Variants in CFAP141 observed in about 807,000 individuals in gnomAD.
CFAP141 encodes the protein cilia- and flagella-associated protein 141.
the CFAP141 span, among the ~76,000 whole-genome samples, chr1:154,202,727 G>A: frequency 6.6e-6 from 1 of 152,028 alleles, no homozygotes; most frequent in East Asian, 1.9e-4. Context: ...CGTGAACCCA[G>A]GAGACAGAGC....
the CFAP141 span, among the ~76,000 whole-genome samples, chr1:154,201,406 T>A: frequency 1.3e-5 from 2 of 151,008 alleles, no homozygotes; most frequent in Admixed American, 6.6e-5. Context: ...TTTTTTTTTT[T>A]AGACAGAGTC....
chr1:154,199,442 A>G, the CFAP141 span: 1 of 1,611,138 alleles, frequency 6.2e-7, no homozygotes, highest in Non-Finnish European at 8.5e-7. Flanking sequence ...ATCTCTCTAC[A>G]TAAAAAGCTT....
the CFAP141 span, among the ~76,000 whole-genome samples, chr1:154,200,829 C>T: frequency 6.6e-6 from 1 of 151,652 alleles, no homozygotes; most frequent in Admixed American, 6.6e-5. Flanking sequence ...ATTACAGGTG[C>T]CTGGCACCAT....
chr1:154,204,615 C>A, the CFAP141 span, among the ~76,000 whole-genome samples: 2 of 151,810 alleles, frequency 1.3e-5, no homozygotes. Context: ...GTTTTCCTCT[C>A]TCACCCAGGC....
chr1:154,203,003 C>T, the CFAP141 span, among the ~76,000 whole-genome samples: 2 of 148,554 alleles, frequency 1.3e-5, no homozygotes, highest in Admixed American at 1.3e-4. Context: ...CACCTGTAAT[C>T]CCAGCTCCCC....
the CFAP141 span, among the ~76,000 whole-genome samples, chr1:154,200,752 G>A: frequency 3.3e-5 from 5 of 151,856 alleles, no homozygotes; most frequent in Admixed American, 6.6e-5. Context: ...GTGCAATCTT[G>A]GCTCACTGCA....
At chr1:154,206,283 C>CT in the CFAP141 span, 1 of 1,614,114 alleles carries the variant, frequency 6.2e-7, no homozygotes, top group South Asian at 1.1e-5. Context: ...ACCTCTTCTA[C>CT]TTTTGTCATC....
the CFAP141 span, among the ~76,000 whole-genome samples, chr1:154,201,881 A>G: frequency 1.3e-5 from 2 of 148,636 alleles, no homozygotes; most frequent in Non-Finnish European, 3.0e-5. Flanking sequence ...AGCAATTCTC[A>G]TGCCTCATCC....
the CFAP141 span, among the ~76,000 whole-genome samples, chr1:154,203,200 T>TATATATAC: frequency 2.4e-5 from 1 of 42,330 alleles, no homozygotes; most frequent in South Asian, 7.2e-4. Flanking sequence ...TATATATATA[T>TATATATAC]ATATATATAT....
At chr1:154,199,363 A>G in the CFAP141 span, 1 of 1,106,664 alleles carries the variant, frequency 9.0e-7, no homozygotes. Flanking sequence ...TCAAGGTGGT[A>G]GAGGTTCTAG....
the CFAP141 span, among the ~76,000 whole-genome samples, chr1:154,202,246 T>G: frequency 6.6e-6 from 1 of 150,776 alleles, no homozygotes; most frequent in African/African-American, 2.4e-5. Context: ...CTGCTAATTT[T>G]TAAATTTTTA....
chr1:154,204,436 T>C, the CFAP141 span, among the ~76,000 whole-genome samples: 4 of 152,254 alleles, frequency 2.6e-5, no homozygotes, highest in African/African-American at 9.6e-5. Flanking sequence ...CAGTGCTTAT[T>C]TATTTATTTA....
At chr1:154,200,761 C>A in the CFAP141 span, among the ~76,000 whole-genome samples, 75 of 152,110 alleles carry the variant, frequency 4.9e-4, no homozygotes, top group Non-Finnish European at 8.4e-4. Context: ...TGGCTCACTG[C>A]AACCTCTGCC....
the CFAP141 span, among the ~76,000 whole-genome samples, chr1:154,202,402 A>G: frequency 1.3e-5 from 2 of 152,214 alleles, no homozygotes; most frequent in African/African-American, 2.4e-5. Flanking sequence ...ATATATAGAA[A>G]GAATATAAAT....
chr1:154,202,959 A>G, the CFAP141 span, among the ~76,000 whole-genome samples: 1 of 150,930 alleles, frequency 6.6e-6, no homozygotes, highest in Non-Finnish European at 1.5e-5. Flanking sequence ...CATCTCTACT[A>G]AAAATACAAA....
chr1:154,206,127 T>C, the CFAP141 span: 3 of 799,198 alleles, frequency 3.8e-6, no homozygotes, highest in South Asian at 2.7e-5. Flanking sequence ...ACCTACTGTG[T>C]ACTAGACACA....
the CFAP141 span, chr1:154,200,546 C>A: frequency 6.2e-7 from 1 of 1,614,176 alleles, no homozygotes; most frequent in Admixed American, 1.7e-5. Context: ...TTCTCTGGCC[C>A]AATGCCATTT....
the CFAP141 span, chr1:154,205,520 T>G: frequency 7.7e-7 from 1 of 1,293,398 alleles, no homozygotes; most frequent in Non-Finnish European, 1.1e-6. Context: ...TGCAGCAGAG[T>G]TGGGAGGTGG....
At chr1:154,204,628 G>A in the CFAP141 span, among the ~76,000 whole-genome samples, 3 of 151,954 alleles carry the variant, frequency 2.0e-5, no homozygotes, top group African/African-American at 7.3e-5. Context: ...ACCCAGGCTA[G>A]AATGCAGTGG....
Sources: allele counts gnomAD v4.1 joint callset (sites outside exome capture counted in the v4.1 genomes callset), GRCh38; gene constraint gnomAD v4.1.1; transcripts MANE v1.5; gene names NCBI Gene and HGNC (gene_info 2026-07-23, HGNC 2026-07-21).